Variants in SHOC2 observed in about 807,000 individuals in gnomAD.
The protein encoded by SHOC2 is leucine-rich repeat protein SHOC-2.
In SHOC2, 4 loss-of-function variants were observed where a neutral mutation model predicts 50.2. The observed-to-expected ratio is 0.08, with a 90% CI of 0.04 to 0.18. SHOC2 has a LOEUF of 0.18. SHOC2 is among the 10% of genes least tolerant of loss of function. The probability of loss-of-function intolerance (pLI) is 1.00; values close to 1 mark genes in which losing one functional copy is unlikely to be tolerated. For missense variants in SHOC2, 388 were observed against 669.6 expected (o/e 0.58, Z 4.64); for synonymous variants, 218 against 244.5 (o/e 0.89, Z 1.01).
intron 1 of SHOC2, among the ~76,000 whole-genome samples, 170 bp from the exon 2 acceptor site, chr10:110,963,955 A>G (rs1286486037): frequency 6.6e-6 from 1 of 152,206 alleles, no homozygotes; most frequent in Non-Finnish European, 1.5e-5. Context: ...AGGTAGAGCC[A>G]GCCTTATTAA....
At chr10:110,956,322 T>C (rs1182295333) in intron 1 of SHOC2, among the ~76,000 whole-genome samples, 2 of 152,174 alleles carry the variant, frequency 1.3e-5, no homozygotes, top group Non-Finnish European at 2.9e-5. Flanking sequence ...CAAGTGATTC[T>C]CCTGCTCAGT....
At chr10:110,967,974 A>T (rs1257431873) in intron 2 of SHOC2, among the ~76,000 whole-genome samples, 1 of 152,074 alleles carries the variant, frequency 6.6e-6, no homozygotes, top group African/African-American at 2.4e-5. Flanking sequence ...ACTTCTCTTG[A>T]GTATATACCT....
At chr10:110,970,872 G>C (rs1481535504) in intron 2 of SHOC2, among the ~76,000 whole-genome samples, 1 of 151,638 alleles carries the variant, frequency 6.6e-6, no homozygotes, top group Non-Finnish European at 1.5e-5. Flanking sequence ...TGTATGTCTT[G>C]AGAAATGTAT....
At chr10:111,003,418 G>A (rs1169341440) in intron 4 of SHOC2, among the ~76,000 whole-genome samples, 1 of 152,034 alleles carries the variant, frequency 6.6e-6, no homozygotes, top group African/African-American at 2.4e-5. Context: ...TATTTTTCCA[G>A]TTATTCCAGT....
At chr10:111,009,464 A>C (rs1003324754) in intron 7 of SHOC2, 79 bp downstream of exon 7, 1 of 1,279,920 alleles carries the variant, frequency 7.8e-7, no homozygotes. Flanking sequence ...TAAGATTTTG[A>C]TGTAATTCTT....
At chr10:111,001,316 G>A (rs1456675302) in intron 4 of SHOC2, among the ~76,000 whole-genome samples, 4 of 151,718 alleles carry the variant, frequency 2.6e-5, no homozygotes, top group East Asian at 3.9e-4. Flanking sequence ...TACCACGCCC[G>A]GTTAATTTTG....
At chr10:110,991,717 G>A (rs1159683882) in intron 3 of SHOC2, among the ~76,000 whole-genome samples, 1 of 152,060 alleles carries the variant, frequency 6.6e-6, no homozygotes, top group East Asian at 1.9e-4. Context: ...TTGACGTTTG[G>A]GTCTTGGTCT....
At chr10:110,923,055 T>C (rs753457463) in intron 1 of SHOC2, among the ~76,000 whole-genome samples, 1 of 152,118 alleles carries the variant, frequency 6.6e-6, no homozygotes, top group Non-Finnish European at 1.5e-5. Context: ...AATGGACATA[T>C]ATCATCTGCT....
intron 2 of SHOC2, among the ~76,000 whole-genome samples, chr10:110,982,311 A>T (rs1847996218): frequency 1.3e-5 from 2 of 151,178 alleles, no homozygotes; most frequent in South Asian, 4.2e-4. Context: ...TGCCGCAATA[A>T]ACATACGTGT....
intron 1 of SHOC2, among the ~76,000 whole-genome samples, chr10:110,963,579 C>T (rs978899190): frequency 3.3e-5 from 5 of 152,098 alleles, no homozygotes; most frequent in East Asian, 1.9e-4. Flanking sequence ...TAAAGCTATC[C>T]GCCAATTAAT....
At position 110,925,085 on chromosome 10, in the gene SHOC2, A is replaced by T. The variant is rs1453371883; in HGVS notation, c.-235+5428A>T. Among the ~76,000 whole-genome samples, 37 of 147,856 alleles carry T rather than the reference A, an allele frequency of 2.5e-4. 1 individual carries two copies. Among genetic ancestry groups the T allele is most frequent in the African/African-American group, 5.9e-4 (24 of 40,728 alleles). On this transcript the variant is annotated intron_variant, in intron 1 of 8. Transcript: ENST00000369452. ...GACTCTGTCTCAAAAAAAAAAAAAA[A>T]AAAAAAATTAAAATAAAAAGCAATA...
At chr10:110,921,249 C>G (rs1590768609) in intron 1 of SHOC2, among the ~76,000 whole-genome samples, 1 of 152,260 alleles carries the variant, frequency 6.6e-6, no homozygotes, top group East Asian at 1.9e-4. Context: ...ATAAAGTATG[C>G]AAATGACCAT....
At chr10:110,952,805 A>G (rs1013869253) in intron 1 of SHOC2, among the ~76,000 whole-genome samples, 1 of 152,160 alleles carries the variant, frequency 6.6e-6, no homozygotes, top group Non-Finnish European at 1.5e-5. Context: ...GAGTGAGAAC[A>G]TGCAATGTTT....
chr10:110,942,101 G>A (rs968712005), intron 1 of SHOC2, among the ~76,000 whole-genome samples: 6 of 147,912 alleles, frequency 4.1e-5, no homozygotes, highest in African/African-American at 1.2e-4. Flanking sequence ...CTTTACCCAC[G>A]TGTGATTTTG....
chr10:110,955,370 A>C (rs1847440138), intron 1 of SHOC2, among the ~76,000 whole-genome samples: 1 of 152,214 alleles, frequency 6.6e-6, no homozygotes, highest in Non-Finnish European at 1.5e-5. Context: ...TAAGTTTCTT[A>C]AGTTTCTTGC....
intron 8 of SHOC2, among the ~76,000 whole-genome samples, chr10:111,010,990 A>C (rs934004314): frequency 3.9e-5 from 6 of 152,198 alleles, no homozygotes; most frequent in African/African-American, 9.6e-5. Context: ...TATTTCTAGT[A>C]TATTTATTCA....
intron 4 of SHOC2, among the ~76,000 whole-genome samples, chr10:111,002,313 A>G (rs1848393201): frequency 1.3e-5 from 2 of 152,210 alleles, no homozygotes; most frequent in Admixed American, 6.5e-5. Flanking sequence ...AAGGAAAACA[A>G]TAAAATCCAT....
At chr10:110,921,617 A>G (rs1205983061) in intron 1 of SHOC2, among the ~76,000 whole-genome samples, 3 of 152,186 alleles carry the variant, frequency 2.0e-5, no homozygotes, top group Admixed American at 1.3e-4. Context: ...TACAATGCAT[A>G]ATAGTCACAT....
chr10:110,960,033 C>T (rs1260385768), intron 1 of SHOC2, among the ~76,000 whole-genome samples: 2 of 152,188 alleles, frequency 1.3e-5, no homozygotes, highest in South Asian at 2.1e-4. Flanking sequence ...GAATAACCAG[C>T]GTTTCCAAAT....
Sources: gnomAD v4.1 joint callset for allele counts (sites outside exome capture counted in the v4.1 genomes callset) on GRCh38, gnomAD v4.1.1 for gene constraint, MANE v1.5 for transcripts, NCBI Gene and HGNC (gene_info 2026-07-23, HGNC 2026-07-21) for gene names.